SORCS3: variants seen among roughly 807,000 people sequenced by gnomAD.
SORCS3 encodes the protein sortilin related VPS10 domain containing receptor 3, also known as VPS10 domain-containing receptor SorCS3.
In SORCS3, 57 loss-of-function variants were observed where a neutral mutation model predicts 146.3. That is an observed-to-expected ratio of 0.39 (90% CI 0.31 to 0.49). The LOEUF is 0.49. Ranked by LOEUF, SORCS3 falls within the 20% of genes least tolerant of loss-of-function variation. The pLI is 0.92. For synonymous variants in SORCS3, 653 were observed against 618.5 expected (o/e 1.06, Z -0.83); for missense variants, 1,341 against 1,575.5 (o/e 0.85, Z 2.52).
At chr10:104,867,964 G>A (rs924051159) in intron 2 of SORCS3, among the ~76,000 whole-genome samples, 3 of 152,138 alleles carry the variant, frequency 2.0e-5, no homozygotes, top group Middle Eastern at 3.2e-3. Flanking sequence ...AATGAGGGGT[G>A]GTATTCATCT....
intron 1 of SORCS3, among the ~76,000 whole-genome samples, chr10:104,642,895 C>A (rs114774054): frequency 0.017 from 2,530 of 152,298 alleles, 71 homozygotes; most frequent in African/African-American, 0.057. Flanking sequence ...CCGAACTGGG[C>A]GCCCGACTGA....
chr10:104,681,109 T>TTC (rs1000607821), intron 1 of SORCS3, among the ~76,000 whole-genome samples: 3 of 152,220 alleles, frequency 2.0e-5, no homozygotes, highest in African/African-American at 7.2e-5. Context: ...TCTCCCTGCT[T>TTC]TCCCACTTTA....
At chr10:104,785,108 G>A (rs896160169) in intron 1 of SORCS3, among the ~76,000 whole-genome samples, 3 of 152,208 alleles carry the variant, frequency 2.0e-5, no homozygotes, top group Non-Finnish European at 2.9e-5. Flanking sequence ...CCTGGACGGG[G>A]CGGCTGCAAT....
At chr10:104,956,194 C>T (rs1330600094) in intron 3 of SORCS3, among the ~76,000 whole-genome samples, 1 of 152,132 alleles carries the variant, frequency 6.6e-6, no homozygotes, top group Non-Finnish European at 1.5e-5. Context: ...TCTATTGGAA[C>T]CAGTGAGTGA....
intron 1 of SORCS3, among the ~76,000 whole-genome samples, chr10:104,731,634 G>A (rs1280170200): frequency 1.3e-5 from 2 of 152,110 alleles, no homozygotes; most frequent in Non-Finnish European, 2.9e-5. Flanking sequence ...CATGTCCTCT[G>A]TACATCTGGA....
chr10:105,217,962 C>T (rs981209560), intron 19 of SORCS3: 2 of 445,414 alleles, frequency 4.5e-6, no homozygotes, highest in Admixed American at 2.4e-5. Flanking sequence ...ACAAGAGTTT[C>T]CAGGTAATAT....
At position 104,842,059 on chromosome 10, in the gene SORCS3, C is replaced by A. The variant is rs867815106; in HGVS notation, c.628-733C>A. Among the ~76,000 whole-genome samples the A allele has an allele frequency of 5.3e-5, 8 of 152,256 alleles. No individual in the cohort carries two copies. In the Middle Eastern group the frequency reaches 0.01, roughly 194 times the overall value. On this transcript the variant is annotated intron_variant, in intron 1 of 26. Coordinates refer to ENST00000369701, the MANE Select transcript of SORCS3 (RefSeq NM_014978.3). ...AGCGCATGGGAACAGACTGGTCAGC[C>A]CAAGATTGGTTAAGAAAACCACCAA...
chr10:104,660,729 G>C (rs1047789844), intron 1 of SORCS3, among the ~76,000 whole-genome samples: 8 of 152,210 alleles, frequency 5.3e-5, no homozygotes, highest in African/African-American at 1.9e-4. Context: ...ATCAGAGCCT[G>C]TGCTATTTGC....
At chr10:104,969,344 C>T (rs891748034) in intron 3 of SORCS3, among the ~76,000 whole-genome samples, 14 of 141,280 alleles carry the variant, frequency 9.9e-5, no homozygotes, top group South Asian at 2.2e-4. Context: ...TGTGTGTGCG[C>T]GCGCGCGTAC....
intron 1 of SORCS3, among the ~76,000 whole-genome samples, chr10:104,756,427 G>A (rs1462755302): frequency 6.6e-6 from 1 of 152,192 alleles, no homozygotes; most frequent in South Asian, 2.1e-4. Flanking sequence ...AAGTTGGACT[G>A]GATGATCTCT....
At chr10:105,202,423 C>T (rs1052776115) in intron 16 of SORCS3, among the ~76,000 whole-genome samples, 4 of 152,138 alleles carry the variant, frequency 2.6e-5, no homozygotes, top group African/African-American at 9.7e-5. Context: ...TCTTCCAAAT[C>T]TTAGTATGGC....
At chr10:104,704,699 C>G (rs2016316838) in intron 1 of SORCS3, among the ~76,000 whole-genome samples, 2 of 152,140 alleles carry the variant, frequency 1.3e-5, no homozygotes, top group South Asian at 4.1e-4. Flanking sequence ...AATGTGTGTT[C>G]CATCCATGCA....
At chr10:104,686,153 C>G (rs2016040758) in intron 1 of SORCS3, among the ~76,000 whole-genome samples, 1 of 152,124 alleles carries the variant, frequency 6.6e-6, no homozygotes, top group African/African-American at 2.4e-5. Context: ...CCATCACTAT[C>G]TCTGCGGTGG....
intron 1 of SORCS3, among the ~76,000 whole-genome samples, chr10:104,829,840 T>A (rs1310624332): frequency 2.0e-5 from 3 of 152,166 alleles, no homozygotes; most frequent in African/African-American, 4.8e-5. Flanking sequence ...TATCCTTGTA[T>A]CTCCCAGCCT....
At chr10:104,883,545 T>C (rs74858271) in intron 2 of SORCS3, among the ~76,000 whole-genome samples, 2,106 of 152,286 alleles carry the variant, frequency 0.014, 63 homozygotes, top group African/African-American at 0.048. Flanking sequence ...ATTAGCATCA[T>C]AAAAAGCTTG....
At chr10:104,842,761 C>T in intron 1 of SORCS3, 31 bp from the exon 2 acceptor site, 2 of 1,578,702 alleles carry the variant, frequency 1.3e-6, no homozygotes, top group East Asian at 2.2e-5. Context: ...CTTTGTTCCT[C>T]TCCTTTGCCC....
chr10:105,098,427 C>T (rs953029268), intron 6 of SORCS3, among the ~76,000 whole-genome samples: 2 of 152,210 alleles, frequency 1.3e-5, no homozygotes, highest in East Asian at 1.9e-4. Context: ...CCCAAGGTCA[C>T]ATAGACGGCT....
chr10:104,915,722 G>T, intron 2 of SORCS3, 111 bp from the exon 3 acceptor site: 2 of 840,042 alleles, frequency 2.4e-6, no homozygotes, highest in Non-Finnish European at 2.0e-6. Flanking sequence ...GCACTCATAT[G>T]ATTCGGGAAG....
At chr10:104,837,380 C>T (rs147155583) in intron 1 of SORCS3, among the ~76,000 whole-genome samples, 11 of 152,302 alleles carry the variant, frequency 7.2e-5, no homozygotes, top group Middle Eastern at 3.4e-3. Flanking sequence ...TCCAGCTATA[C>T]ACACACACAT....
Sources: allele counts gnomAD v4.1 joint callset (sites outside exome capture counted in the v4.1 genomes callset), GRCh38; gene constraint gnomAD v4.1.1; transcripts MANE v1.5; gene names NCBI Gene and HGNC (gene_info 2026-07-23, HGNC 2026-07-21).